Variants in PADI4 observed in about 807,000 individuals in gnomAD.
The protein encoded by PADI4 is protein-arginine deiminase type-4.
In PADI4, 62 loss-of-function variants were observed where a neutral mutation model predicts 75.0. That is an observed-to-expected ratio of 0.83 (90% confidence interval 0.67 to 1.02). PADI4 has a LOEUF of 1.02. PADI4 is among the 50% of genes least tolerant of loss of function. The pLI, the probability that PADI4 is intolerant of heterozygous loss-of-function variation, is 0.00. For missense variants in PADI4, 845 were observed against 850.5 expected, an observed-to-expected ratio of 0.99 and a Z score of 0.08; for synonymous variants, 361 against 348.1, an observed-to-expected ratio of 1.04 and a Z score of -0.41.
At chr1:17,353,261 C>T in intron 10 of PADI4, among the ~76,000 whole-genome samples, 1 of 152,086 alleles carries the variant, frequency 6.6e-6, no homozygotes, top group Non-Finnish European at 1.5e-5. Context: ...GAGTTTGAGA[C>T]CAGCCTGGGC....
chr1:17,363,402 T>C, intron 15 of PADI4, 120 bp from the exon 16 acceptor site: 1 of 677,570 alleles, frequency 1.5e-6, no homozygotes, highest in Non-Finnish European at 2.6e-6. Context: ...GGACTACAGG[T>C]CTGAGCCACC....
chr1:17,315,276 C>T (rs956840054), intron 1 of PADI4, among the ~76,000 whole-genome samples: 3 of 152,100 alleles, frequency 2.0e-5, no homozygotes, highest in African/African-American at 7.2e-5. Flanking sequence ...ATTGAATGAA[C>T]GAATGAAGGA....
At chr1:17,355,559 G>A (rs1302596132) in intron 11 of PADI4, among the ~76,000 whole-genome samples, 1 of 151,616 alleles carries the variant, frequency 6.6e-6, no homozygotes. Context: ...AAAAAAGTGA[G>A]GAAGAACAAG....
chr1:17,331,207 A>T, intron 2 of PADI4, 58 bp downstream of exon 2: 1 of 1,440,176 alleles, frequency 6.9e-7, no homozygotes, highest in East Asian at 2.4e-5. Context: ...GCAGCCACAC[A>T]CACTCTGTCC....
intron 13 of PADI4, 99 bp from the exon 14 acceptor site, chr1:17,358,739 T>G (rs2074801971): frequency 1.3e-6 from 1 of 760,634 alleles, no homozygotes; most frequent in Non-Finnish European, 2.3e-6. Flanking sequence ...TGACTCCATT[T>G]TATAGATGGG....
At chr1:17,360,925 T>A (rs2074839401) in intron 15 of PADI4, among the ~76,000 whole-genome samples, 1 of 151,238 alleles carries the variant, frequency 6.6e-6, no homozygotes, top group African/African-American at 2.4e-5. Context: ...CCGTGGCCCC[T>A]AAGTGCTGTC....
chr1:17,343,449 G>A (rs750751462), intron 8 of PADI4, among the ~76,000 whole-genome samples: 14 of 152,242 alleles, frequency 9.2e-5, no homozygotes, highest in Non-Finnish European at 1.8e-4. Context: ...TGGTCAGGAC[G>A]CAGGCTGGAA....
In PADI4 at chr1:17,339,169, C is replaced by T. The variant is rs35489932; in HGVS notation, c.527-519C>T. 2.0e-5 allele frequency among the ~76,000 whole-genome samples: 3 copies of T among 152,266 alleles called. No homozygotes were observed. In the South Asian group the frequency reaches 6.2e-4, roughly 32 times the overall value. On this transcript the variant is annotated intron_variant, in intron 5 of 15. Coordinates refer to ENST00000375448, the MANE Select transcript of PADI4 (RefSeq NM_012387.3). ...GATTCAAACCAAATTGACCGCAAAG[C>T]CTTTAAGCCCTTGGCTATCAGTCAG... is the stretch of plus-strand genomic sequence containing the variant.
intron 8 of PADI4, 23 bp downstream of exon 8, chr1:17,342,425 G>C (rs765068559): frequency 2.1e-6 from 3 of 1,450,198 alleles, no homozygotes; most frequent in Non-Finnish European, 2.9e-6. Flanking sequence ...GGGGTGCTGG[G>C]GTGGGTCCAG....
Position 17,363,863 on chromosome 1 carries a change from G to T in PADI4, c.*108G>T. On this transcript the variant is annotated 3_prime_UTR_variant, in exon 16 of 16. Transcript: ENST00000375448. ...TATTGTGGCTCCCTGGGGGCGGCCA[G>T]CCCTCCCAGCAGTGGCTTGCTTTCT... 1 of 709,686 alleles carries T rather than the reference G, an allele frequency of 1.4e-6. No individual in the cohort carries two copies. The highest frequency in any genetic ancestry group is 1.8e-5 in the South Asian group (1 of 55,294). The allele number at this position is 709,686 out of a possible 1,614,324, so 44.0% of individuals were successfully genotyped here.
In PADI4 at chr1:17,336,335, G is replaced by A. The variant is rs1174303027; in HGVS notation, c.408+109G>A. The stretch of plus-strand genomic sequence containing the variant: ...CTGTCCCACGTATTCCGTGTTAACT[G>A]TTAAAAAAAGAAAGAAAATTAGCAT... On this transcript the variant is annotated intron_variant, in intron 4 of 15. Coordinates refer to ENST00000375448, the MANE Select transcript of PADI4 (RefSeq NM_012387.3). The A allele has an allele frequency of 8.4e-6, 6 of 711,328 alleles. 1 individual carries two copies. Among genetic ancestry groups the A allele is most frequent in the Middle Eastern group, 4.8e-4 (2 of 4,146 alleles). 44.1% of individuals were successfully genotyped at this position (711,328 alleles called of 1,614,324 possible).
intron 1 of PADI4, 38 bp downstream of exon 1, chr1:17,308,352 A>G (rs2073709777): frequency 2.6e-6 from 4 of 1,524,040 alleles, no homozygotes; most frequent in Non-Finnish European, 3.6e-6. Flanking sequence ...GAGGCAGGTC[A>G]GGAGATGCTG....
chr1:17,317,487 T>C (rs1484343674), intron 1 of PADI4, among the ~76,000 whole-genome samples: 3 of 150,616 alleles, frequency 2.0e-5, no homozygotes. Flanking sequence ...GCCAGGCTGG[T>C]CTCGAACTCC....
intron 6 of PADI4, among the ~76,000 whole-genome samples, chr1:17,341,637 C>T (rs1299374591): frequency 2.0e-5 from 3 of 152,238 alleles, no homozygotes; most frequent in African/African-American, 7.2e-5. Context: ...CTGTCCCCCG[C>T]TGACATCTGG....
At chr1:17,314,401 G>A (rs1223072406) in intron 1 of PADI4, among the ~76,000 whole-genome samples, 1 of 152,210 alleles carries the variant, frequency 6.6e-6, no homozygotes, top group Non-Finnish European at 1.5e-5. Context: ...TTAAGTTTTG[G>A]TTCGGCCAGG....
In PADI4 at chr1:17,338,036, A is replaced by G. The variant is rs918536238; in HGVS notation, c.409-2A>G. 1 of 1,601,472 alleles carries G rather than the reference A, an allele frequency of 6.2e-7. No individual in the cohort carries two copies. Among genetic ancestry groups the G allele is most frequent in the Admixed American group, 1.7e-5 (1 of 59,962 alleles). On this transcript the variant is annotated splice_acceptor_variant, in intron 4 of 15. Coordinates refer to ENST00000375448, the MANE Select transcript of PADI4 (RefSeq NM_012387.3). LOFTEE classifies it high-confidence loss of function. ...GCATGACTCTTCCCTGCTGGTGTCCAGAGGACCTGGACCTGGGGCCCTTGT... is the reference window on the plus strand; with the variant it reads ...GCATGACTCTTCCCTGCTGGTGTCCGGAGGACCTGGACCTGGGGCCCTTGT...
intron 13 of PADI4, among the ~76,000 whole-genome samples, chr1:17,357,487 T>C (rs561998954): frequency 1.4e-4 from 21 of 152,312 alleles, no homozygotes; most frequent in African/African-American, 4.8e-4. Flanking sequence ...ACATTTCTTA[T>C]TGACAGCAAC....
chr1:17,347,548 A>G (rs1415450308), intron 9 of PADI4, among the ~76,000 whole-genome samples: 2 of 152,076 alleles, frequency 1.3e-5, no homozygotes, highest in Non-Finnish European at 1.5e-5. Context: ...TCCTAGCTGC[A>G]TCAGGAGCCC....
At chr1:17,314,179 C>T (rs1023752070) in intron 1 of PADI4, among the ~76,000 whole-genome samples, 3 of 152,154 alleles carry the variant, frequency 2.0e-5, no homozygotes, top group African/African-American at 4.8e-5. Flanking sequence ...GTGTGCCCCT[C>T]GGCCTCCATT....
Sources: allele counts gnomAD v4.1 joint callset (sites outside exome capture counted in the v4.1 genomes callset), GRCh38; gene constraint gnomAD v4.1.1; transcripts MANE v1.5; gene names NCBI Gene and HGNC (gene_info 2026-07-23, HGNC 2026-07-21).